Variants in PCCA observed in about 807,000 individuals in gnomAD.
The protein encoded by PCCA is propionyl-CoA carboxylase subunit alpha.
Under a neutral mutation model 101.3 loss-of-function variants are expected in PCCA, and 74 were observed. The observed-to-expected ratio is 0.73, with a 90% CI of 0.61 to 0.89. The LOEUF (loss-of-function observed/expected upper bound fraction) is 0.89. Among genes scored for constraint, PCCA ranks in the 40% least tolerant of loss-of-function variants. The pLI is 0.00. For synonymous variants in PCCA, 294 were observed against 313.6 expected (o/e 0.94, Z 0.66); for missense variants, 891 against 907.0 (o/e 0.98, Z 0.23).
At chr13:100,493,153 C>A (rs2085024323) in intron 21 of PCCA, among the ~76,000 whole-genome samples, 1 of 152,214 alleles carries the variant, frequency 6.6e-6, no homozygotes. Context: ...CAAAAGTGCT[C>A]ACCCCAGCTC....
chr13:100,136,254 C>T (rs1315061505), intron 4 of PCCA, among the ~76,000 whole-genome samples: 2 of 138,578 alleles, frequency 1.4e-5, no homozygotes, highest in African/African-American at 5.4e-5. Flanking sequence ...GGTGTGATCT[C>T]GGCTCACTGC....
Position 100,203,590 on chromosome 13 carries a change from G to T in PCCA, c.469-5742G>T, listed in dbSNP as rs2058671701. On this transcript the variant is annotated intron_variant, in intron 6 of 23. Transcript: ENST00000376285. ...GTGCCTGTAGTCCCAGCTACTTGGAGGCTGAGGCAGGAGAATTGCTTGAAC... is the reference window on the plus strand; with the variant it reads ...GTGCCTGTAGTCCCAGCTACTTGGATGCTGAGGCAGGAGAATTGCTTGAAC... Among the ~76,000 whole-genome samples the T allele has an allele frequency of 3.3e-5, 5 of 152,240 alleles. No homozygotes were observed. In the South Asian group the frequency reaches 1.0e-3, roughly 32 times the overall value.
chr13:100,246,499 T>C (rs976431947), intron 8 of PCCA, among the ~76,000 whole-genome samples: 4 of 152,006 alleles, frequency 2.6e-5, no homozygotes, highest in Non-Finnish European at 4.4e-5. Flanking sequence ...TTGTTGTTTT[T>C]GTATTTTTTG....
At chr13:100,492,053 G>C (rs139009396) in intron 21 of PCCA, among the ~76,000 whole-genome samples, 46 of 152,244 alleles carry the variant, frequency 3.0e-4, no homozygotes, top group Middle Eastern at 3.4e-3. Flanking sequence ...TTGGAGAGGA[G>C]ATGGTTCAAT....
intron 1 of PCCA, among the ~76,000 whole-genome samples, chr13:100,094,668 A>G (rs766713180): frequency 2.0e-5 from 3 of 151,974 alleles, no homozygotes; most frequent in Admixed American, 6.6e-5. Context: ...GCTCACGGCA[A>G]CCTCCGCCTC....
At chr13:100,094,021 G>T (rs1228514273) in intron 1 of PCCA, among the ~76,000 whole-genome samples, 1 of 151,976 alleles carries the variant, frequency 6.6e-6, no homozygotes, top group Non-Finnish European at 1.5e-5. Flanking sequence ...CTGAGGTCGG[G>T]AGTTCAAGAC....
chr13:100,482,054 G>A (rs2083985884), intron 21 of PCCA, among the ~76,000 whole-genome samples: 1 of 152,210 alleles, frequency 6.6e-6, no homozygotes. Flanking sequence ...TTTTTAATAT[G>A]ATTGATGTGT....
intron 19 of PCCA, among the ~76,000 whole-genome samples, chr13:100,382,899 C>G (rs1166780612): frequency 6.6e-6 from 1 of 151,736 alleles, no homozygotes; most frequent in Non-Finnish European, 1.5e-5. Flanking sequence ...CCAGTTAAAT[C>G]TATGAGAAAG....
intron 19 of PCCA, among the ~76,000 whole-genome samples, chr13:100,385,644 AC>A (rs2076459459): frequency 6.6e-6 from 1 of 152,100 alleles, no homozygotes; most frequent in African/African-American, 2.4e-5. Flanking sequence ...TTTTTTTGAG[AC>A]CAGGTCTTGC....
chr13:100,433,420 C>G (rs2079696890), intron 20 of PCCA, among the ~76,000 whole-genome samples: 1 of 152,032 alleles, frequency 6.6e-6, no homozygotes, highest in Non-Finnish European at 1.5e-5. Context: ...ATGTGTCCTT[C>G]CTATATTGGT....
At chr13:100,158,182 T>C (rs1566601772) in intron 6 of PCCA, among the ~76,000 whole-genome samples, 1 of 152,226 alleles carries the variant, frequency 6.6e-6, no homozygotes, top group Non-Finnish European at 1.5e-5. Flanking sequence ...CAGTGGTAGA[T>C]ATTTGTGTAT....
At chr13:100,188,291 C>CAAAAAAAAA (rs756051251) in intron 6 of PCCA, among the ~76,000 whole-genome samples, 4 of 87,588 alleles carry the variant, frequency 4.6e-5, no homozygotes, top group Non-Finnish European at 6.7e-5. Context: ...GACTCTGTCT[C>CAAAAAAAAA]AAAAAAACAA....
At chr13:100,391,992 C>T (rs1180448647) in intron 19 of PCCA, among the ~76,000 whole-genome samples, 1 of 152,018 alleles carries the variant, frequency 6.6e-6, no homozygotes, top group African/African-American at 2.4e-5. Context: ...TCTTAAGTGA[C>T]CCCTTAGTCA....
chr13:100,521,821 T>C (rs181550277), intron 22 of PCCA, among the ~76,000 whole-genome samples: 1 of 152,232 alleles, frequency 6.6e-6, no homozygotes, highest in Non-Finnish European at 1.5e-5. Context: ...ACACCAGGGC[T>C]GATATTGATC....
At chr13:100,271,702 G>A (rs960096049) in intron 11 of PCCA, among the ~76,000 whole-genome samples, 1 of 152,182 alleles carries the variant, frequency 6.6e-6, no homozygotes, top group African/African-American at 2.4e-5. Context: ...ATACCAAGTG[G>A]ATATTAAATG....
At chr13:100,466,652 GT>G (rs1300552519) in intron 21 of PCCA, among the ~76,000 whole-genome samples, 1 of 152,160 alleles carries the variant, frequency 6.6e-6, no homozygotes, top group Non-Finnish European at 1.5e-5. Context: ...GAGGTCACGA[GT>G]TTGAGACCAG....
chr13:100,263,794 A>G (rs2062690424), intron 10 of PCCA, among the ~76,000 whole-genome samples: 2 of 150,532 alleles, frequency 1.3e-5, no homozygotes, highest in South Asian at 4.2e-4. Context: ...CGGTATCTGT[A>G]TATCATATAT....
intron 19 of PCCA, among the ~76,000 whole-genome samples, chr13:100,386,526 T>A (rs1440288783): frequency 2.0e-5 from 3 of 152,282 alleles, no homozygotes. Flanking sequence ...GGACTACAGA[T>A]GCCTGCCACC....
chr13:100,154,937 T>G (rs778800179), intron 4 of PCCA, 42 bp from the exon 5 acceptor site: 15 of 1,290,400 alleles, frequency 1.2e-5, no homozygotes, highest in Non-Finnish European at 1.6e-5. Flanking sequence ...GGTAATTCTT[T>G]TTGCTGGGCG....
Sources: gnomAD v4.1 joint callset for allele counts (sites outside exome capture counted in the v4.1 genomes callset) on GRCh38, gnomAD v4.1.1 for gene constraint, MANE v1.5 for transcripts, NCBI Gene and HGNC (gene_info 2026-07-23, HGNC 2026-07-21) for gene names.